EPB41L5: variants seen among roughly 807,000 people sequenced by gnomAD.
EPB41L5 encodes band 4.1-like protein 5.
EPB41L5 carries 55 observed loss-of-function variants against 106.6 expected under a neutral mutation model. The observed-to-expected ratio is 0.52, with a 90% CI of 0.42 to 0.65. EPB41L5 has a LOEUF of 0.65. Among genes scored for constraint, EPB41L5 ranks in the 30% least tolerant of loss-of-function variants. The pLI is 0.00. For missense variants in EPB41L5, 871 were observed against 882.1 expected (o/e 0.99, Z 0.16); for synonymous variants, 297 against 306.7 (o/e 0.97, Z 0.33).
intron 3 of EPB41L5, among the ~76,000 whole-genome samples, chr2:120,061,474 C>T (rs1198554153): frequency 2.6e-5 from 4 of 151,850 alleles, no homozygotes; most frequent in Admixed American, 6.6e-5. Context: ...CCGCCCGCCT[C>T]GGCCTCCCAA....
chr2:120,131,133 T>TA (rs1685668264), intron 17 of EPB41L5, among the ~76,000 whole-genome samples: 1 of 152,226 alleles, frequency 6.6e-6, no homozygotes, highest in Non-Finnish European at 1.5e-5. Context: ...ATGGTACCAA[T>TA]ATATAATATG....
intron 21 of EPB41L5, among the ~76,000 whole-genome samples, chr2:120,162,774 A>G (rs1216118825): frequency 6.6e-6 from 1 of 152,220 alleles, no homozygotes; most frequent in African/African-American, 2.4e-5. Context: ...CTAGTGGGAG[A>G]GAGAATCGTA....
intron 24 of EPB41L5, among the ~76,000 whole-genome samples, chr2:120,173,750 A>G (rs921269193): frequency 2.0e-5 from 3 of 152,176 alleles, no homozygotes; most frequent in East Asian, 1.9e-4. Flanking sequence ...TGTCATGATC[A>G]TAGCTGACTG....
chr2:120,112,587 G>A (rs190022267), intron 16 of EPB41L5, among the ~76,000 whole-genome samples: 1 of 152,140 alleles, frequency 6.6e-6, no homozygotes, highest in African/African-American at 2.4e-5. Context: ...ATTTGCATCA[G>A]GTTTCCAGTG....
At chr2:120,046,060 ATGGGGTTTGGGT>A (rs1276667204) in intron 3 of EPB41L5, among the ~76,000 whole-genome samples, 7 of 74,950 alleles carry the variant, frequency 9.3e-5, no homozygotes, top group African/African-American at 2.3e-4. Context: ...TCTATCATTG[ATGGGGTTTGGGT>A]TGGTTCCAAG....
At position 120,120,894 on chromosome 2, in the gene EPB41L5, T is replaced by G. The variant is rs538756529; in HGVS notation, c.1338-6794T>G. On this transcript the variant is annotated intron_variant, in intron 16 of 24. Coordinates refer to ENST00000263713, the MANE Select transcript of EPB41L5 (RefSeq NM_020909.4). ...ACCCTGGGAGGCCGAGGCGGGCAGC[T>G]CACCTGAAGTCAGGAGCTCGAGACC... is the stretch of plus-strand genomic sequence containing the variant. 2.1e-4 allele frequency among the ~76,000 whole-genome samples: 32 copies of G among 152,316 alleles called. No homozygotes were observed. The East Asian group carries it at 5.6e-3, about 27-fold the overall frequency.
At chr2:120,142,893 GAC>G in intron 18 of EPB41L5, 108 bp from the exon 19 acceptor site, 3 of 946,926 alleles carry the variant, frequency 3.2e-6, no homozygotes, top group Non-Finnish European at 4.8e-6. Flanking sequence ...GGCTGCTTAA[GAC>G]ACATGATTTC....
intron 18 of EPB41L5, among the ~76,000 whole-genome samples, chr2:120,133,880 A>G (rs928108038): frequency 6.6e-6 from 1 of 152,168 alleles, no homozygotes; most frequent in Non-Finnish European, 1.5e-5. Flanking sequence ...AGGGAAGAGT[A>G]AAGAAGACTT....
intron 3 of EPB41L5, among the ~76,000 whole-genome samples, chr2:120,042,399 C>G (rs1679460431): frequency 6.6e-6 from 1 of 152,114 alleles, no homozygotes; most frequent in Admixed American, 6.6e-5. Flanking sequence ...GTTGGGCACA[C>G]AAGAATTTGA....
chr2:120,054,498 G>GTT (rs767149779), intron 3 of EPB41L5, among the ~76,000 whole-genome samples: 150 of 141,232 alleles, frequency 1.1e-3, no homozygotes, highest in African/African-American at 3.4e-3. Flanking sequence ...TCTTCTAAAA[G>GTT]TTTTTTTTTT....
intron 4 of EPB41L5, 94 bp downstream of exon 4, chr2:120,073,314 A>C: frequency 8.7e-7 from 1 of 1,145,626 alleles, no homozygotes; most frequent in Non-Finnish European, 1.3e-6. Context: ...CATGTTTCAG[A>C]TGAGTTTTTT....
At chr2:120,051,991 T>A (rs1263891135) in intron 3 of EPB41L5, among the ~76,000 whole-genome samples, 1 of 152,112 alleles carries the variant, frequency 6.6e-6, no homozygotes, top group African/African-American at 2.4e-5. Context: ...CGTGCCTGGC[T>A]AATGTTTGTA....
Position 120,131,683 on chromosome 2 carries a change from C to T in EPB41L5, c.1567C>T (p.Arg523Ter), listed in dbSNP as rs761424528. The change falls in exon 18 of 25, where the codon CGA becomes TGA. Residue 523 changes from arginine (R) to a stop codon, truncating the protein, a stop_gained. Coordinates refer to ENST00000263713, the MANE Select transcript of EPB41L5 (RefSeq NM_020909.4). LOFTEE classifies it high-confidence loss of function. ...EMENSPLLSP[R>*]SNIDVNINSQ... is the part of the protein sequence containing the mutation. ...GGAGAACAGTCCTTTGCTGTCCCCT[C>T]GATCCAACATCGATGTTAACATAAA... The T allele has an allele frequency of 5.6e-6, 9 of 1,613,688 alleles. No homozygotes were observed. Among genetic ancestry groups the T allele is most frequent in the South Asian group, 2.2e-5 (2 of 91,066 alleles).
intron 16 of EPB41L5, among the ~76,000 whole-genome samples, chr2:120,124,039 G>A (rs565341493): frequency 5.9e-5 from 9 of 152,274 alleles, no homozygotes; most frequent in African/African-American, 2.2e-4. Context: ...AAGAGGAAAG[G>A]GGGCGAAGAC....
rs1196952859 is a variant in EPB41L5, at chr2:120,110,931, C to T, written c.1337+10117C>T. 3.3e-5 allele frequency among the ~76,000 whole-genome samples: 5 copies of T among 152,082 alleles called. No homozygotes were observed. The East Asian group carries it at 5.8e-4, about 18-fold the overall frequency. On this transcript the variant is annotated intron_variant, in intron 16 of 24. Coordinates refer to ENST00000263713, the MANE Select transcript of EPB41L5 (RefSeq NM_020909.4). ...TGCTGGGATTACAGGTGTGAGCCAC[C>T]GCTCCTGGCCCCCTGTTGTTAACAC...
At chr2:120,087,308 A>C (rs1012995273) in intron 11 of EPB41L5, 68 bp downstream of exon 11, 4 of 942,188 alleles carry the variant, frequency 4.2e-6, no homozygotes, top group Non-Finnish European at 6.7e-6. Context: ...TTATTTCTCT[A>C]AAAGAGGGAA....
chr2:120,105,123 T>C (rs1184989659), intron 16 of EPB41L5: 8 of 977,648 alleles, frequency 8.2e-6, no homozygotes, highest in African/African-American at 1.8e-5. Context: ...CCATATGATT[T>C]TTAGATTGTA....
intron 14 of EPB41L5, among the ~76,000 whole-genome samples, chr2:120,099,673 A>C (rs1015983846): frequency 6.6e-6 from 1 of 152,158 alleles, no homozygotes; most frequent in Non-Finnish European, 1.5e-5. Context: ...GTGATCGCCC[A>C]CCTCAGCCTC....
In EPB41L5 at chr2:120,127,796, C is replaced by G. The variant is rs200443214; in HGVS notation, c.1446C>G (p.Asp482Glu). Residue 482 changes from aspartate to glutamate, a missense_variant, in exon 17 of 25, where the codon GAC (aspartate) becomes GAG (glutamate). Asp to Glu is a conservative substitution (Grantham distance 45, BLOSUM62 2). Transcript: ENST00000263713. ...DTMETSQALN[D>E]VNVATRLPGL... ...TGGAAACATCCCAAGCACTGAATGA[C>G]GTTAATGTAGCCACCAGGCTTCCGG... The G allele has an allele frequency of 3.1e-6, 5 of 1,612,960 alleles. No individual in the cohort carries two copies. Among genetic ancestry groups the G allele is most frequent in the Admixed American group, 3.3e-5 (2 of 59,968 alleles).
Sources: allele counts gnomAD v4.1 joint callset (sites outside exome capture counted in the v4.1 genomes callset), GRCh38; gene constraint gnomAD v4.1.1; transcripts MANE v1.5; gene names NCBI Gene and HGNC (gene_info 2026-07-23, HGNC 2026-07-21).